The following GALNT13 variants were observed in gnomAD, a reference collection of about 807,000 sequenced individuals.
The protein encoded by GALNT13 is UDP-GalNAc:polypeptide N-acetylgalactosaminyltransferase 13.
GALNT13 carries 28 observed loss-of-function variants against 64.2 expected under a neutral mutation model. The ratio of observed to expected loss-of-function variants is 0.44; its 90% CI spans 0.32 to 0.60. The LOEUF (loss-of-function observed/expected upper bound fraction) is 0.60, where lower values mean the gene tolerates loss of function less well. Ranked by LOEUF, GALNT13 falls within the 20% of genes least tolerant of loss-of-function variation. The probability of loss-of-function intolerance (pLI) is 0.05; values close to 1 mark genes in which losing one functional copy is unlikely to be tolerated. For missense variants in GALNT13, 577 were observed against 669.8 expected, an observed-to-expected ratio of 0.86 and a Z score of 1.53; for synonymous variants, 214 against 224.6, an observed-to-expected ratio of 0.95 and a Z score of 0.42.
At chr2:153,339,389 T>C in the GALNT13 span, among the ~76,000 whole-genome samples, 97 of 152,354 alleles carry the variant, frequency 6.4e-4, 1 homozygote, top group African/African-American at 2.3e-3. Flanking sequence ...TTTTTTCTTA[T>C]AATTGTTGGC....
intron 9 of GALNT13, among the ~76,000 whole-genome samples, chr2:154,360,049 G>GTCC (rs1480611430): frequency 6.6e-6 from 1 of 152,082 alleles, no homozygotes; most frequent in Non-Finnish European, 1.5e-5. Flanking sequence ...TGTAGCAAAT[G>GTCC]TCCTGGAAAA....
intron 9 of GALNT13, among the ~76,000 whole-genome samples, chr2:154,352,181 A>G (rs1574140167): frequency 1.3e-5 from 2 of 152,338 alleles, no homozygotes; most frequent in African/African-American, 2.4e-5. Flanking sequence ...GGAAATACCC[A>G]GTATTGCTGC....
At chr2:153,473,363 TATATA>T in the GALNT13 span, among the ~76,000 whole-genome samples, 1 of 152,118 alleles carries the variant, frequency 6.6e-6, no homozygotes, top group Non-Finnish European at 1.5e-5. Context: ...ATAATAATAT[TATATA>T]ATTAATTTTT....
chr2:153,907,008 G>A (rs1032328898), intron 2 of GALNT13, among the ~76,000 whole-genome samples: 11 of 151,636 alleles, frequency 7.3e-5, no homozygotes, highest in South Asian at 4.2e-4. Flanking sequence ...GATGATGAGC[G>A]TTTTTTCATG....
At chr2:153,801,985 T>C in the GALNT13 span, among the ~76,000 whole-genome samples, 1 of 152,290 alleles carries the variant, frequency 6.6e-6, no homozygotes, top group African/African-American at 2.4e-5. Flanking sequence ...TCAAGAAAAT[T>C]AGTCATTTTA....
chr2:153,875,841 T>C (rs1299982134), intron 1 of GALNT13, among the ~76,000 whole-genome samples: 1 of 152,218 alleles, frequency 6.6e-6, no homozygotes, highest in East Asian at 1.9e-4. Flanking sequence ...CATATAGTTA[T>C]GACCTTTAAC....
At chr2:153,074,941 C>T in the GALNT13 span, among the ~76,000 whole-genome samples, 10 of 152,098 alleles carry the variant, frequency 6.6e-5, no homozygotes, top group African/African-American at 2.4e-4. Context: ...TTTTGTTGCC[C>T]AGCCTGGTCT....
chr2:153,340,193 C>T, the GALNT13 span, among the ~76,000 whole-genome samples: 1 of 152,120 alleles, frequency 6.6e-6, no homozygotes, highest in African/African-American at 2.4e-5. Flanking sequence ...GTAGTATAAA[C>T]ATTTTTACAA....
the GALNT13 span, among the ~76,000 whole-genome samples, chr2:153,601,722 T>C: frequency 6.6e-5 from 10 of 151,836 alleles, no homozygotes; most frequent in Admixed American, 5.3e-4. Flanking sequence ...TATGTATATC[T>C]AGGCCTTCTA....
At chr2:153,967,727 A>C (rs963373247) in intron 3 of GALNT13, among the ~76,000 whole-genome samples, 1 of 151,992 alleles carries the variant, frequency 6.6e-6, no homozygotes, top group Admixed American at 6.6e-5. Context: ...AGTGGTGCTC[A>C]CCCATGGACC....
At chr2:154,216,807 T>C (rs1389284560) in intron 4 of GALNT13, among the ~76,000 whole-genome samples, 4 of 140,530 alleles carry the variant, frequency 2.8e-5, no homozygotes, top group Admixed American at 2.1e-4. Context: ...TCTCTCTTTT[T>C]TTTTTTTTTT....
chr2:153,770,658 A>T, the GALNT13 span, among the ~76,000 whole-genome samples: 1 of 152,318 alleles, frequency 6.6e-6, no homozygotes, highest in Non-Finnish European at 1.5e-5. Context: ...CATCTACATC[A>T]TCAGTCACAG....
At chr2:154,105,075 T>C (rs1157827062) in intron 3 of GALNT13, among the ~76,000 whole-genome samples, 1 of 152,146 alleles carries the variant, frequency 6.6e-6, no homozygotes, top group Non-Finnish European at 1.5e-5. Flanking sequence ...CTACCCTTTT[T>C]GAGGGACTCC....
the GALNT13 span, among the ~76,000 whole-genome samples, chr2:153,655,180 G>A: frequency 6.6e-6 from 1 of 152,006 alleles, no homozygotes; most frequent in Non-Finnish European, 1.5e-5. Flanking sequence ...GAAAAGCACA[G>A]GTTTAGATTG....
intron 9 of GALNT13, among the ~76,000 whole-genome samples, chr2:154,368,931 A>G (rs1220249243): frequency 6.6e-6 from 1 of 152,104 alleles, no homozygotes; most frequent in Non-Finnish European, 1.5e-5. Flanking sequence ...ACCACAAGTC[A>G]TCAGTAAATG....
the GALNT13 span, among the ~76,000 whole-genome samples, chr2:153,508,762 C>T: frequency 1.4e-4 from 22 of 152,284 alleles, no homozygotes; most frequent in Admixed American, 1.1e-3. Flanking sequence ...TATGTTGCTG[C>T]GGTAGTTCTT....
At chr2:154,446,555 C>T in intron 12 of GALNT13, 1 of 1,522,008 alleles carries the variant, frequency 6.6e-7, no homozygotes, top group Non-Finnish European at 8.8e-7. Flanking sequence ...TCGTTATTTT[C>T]TTTGTCAAAC....
chr2:153,685,850 G>A, the GALNT13 span, among the ~76,000 whole-genome samples: 2 of 151,324 alleles, frequency 1.3e-5, no homozygotes, highest in South Asian at 2.1e-4. Flanking sequence ...GAAGGGGACC[G>A]GTTTCAATTT....
chr2:154,019,842 C>T (rs1487168247), intron 3 of GALNT13, among the ~76,000 whole-genome samples: 1 of 151,548 alleles, frequency 6.6e-6, no homozygotes, highest in Non-Finnish European at 1.5e-5. Context: ...CTAATGCTAT[C>T]CCTCCCCCCT....
Sources: allele counts gnomAD v4.1 joint callset (sites outside exome capture counted in the v4.1 genomes callset), GRCh38; gene constraint gnomAD v4.1.1; transcripts MANE v1.5; gene names NCBI Gene and HGNC (gene_info 2026-07-23, HGNC 2026-07-21).